Variants in RGS6 observed in about 807,000 individuals in gnomAD.
RGS6 encodes regulator of G-protein signaling 6.
A neutral mutation model predicts 78.5 loss-of-function variants in RGS6; 30 were observed. The ratio of observed to expected loss-of-function variants is 0.38; its 90% CI spans 0.29 to 0.52. The LOEUF (loss-of-function observed/expected upper bound fraction) is 0.52, where lower values mean the gene tolerates loss of function less well. RGS6 is among the 20% of genes least tolerant of loss of function. The pLI is 0.85. For missense variants in RGS6, 495 were observed against 609.7 expected, an observed-to-expected ratio of 0.81 and a Z score of 1.98; for synonymous variants, 206 against 206.0, an observed-to-expected ratio of 1.00 and a Z score of 0.00.
chr14:71,937,079 T>C (rs1009012068), intron 1 of RGS6, among the ~76,000 whole-genome samples: 1 of 152,202 alleles, frequency 6.6e-6, no homozygotes, highest in African/African-American at 2.4e-5. Flanking sequence ...ATTTCCTGTG[T>C]TCCATATGTA....
chr14:72,535,262 C>T (rs1378523007), intron 15 of RGS6, among the ~76,000 whole-genome samples: 1 of 152,200 alleles, frequency 6.6e-6, no homozygotes, highest in African/African-American at 2.4e-5. Flanking sequence ...CACCTTGCTG[C>T]AGCACCTGCC....
intron 14 of RGS6, among the ~76,000 whole-genome samples, chr14:72,510,834 A>G (rs1422926583): frequency 6.6e-6 from 1 of 152,214 alleles, no homozygotes; most frequent in Non-Finnish European, 1.5e-5. Flanking sequence ...GTCGACTCCA[A>G]ATAGTGGTTA....
At chr14:72,449,374 A>G (rs942305110) in intron 3 of RGS6, among the ~76,000 whole-genome samples, 4 of 152,210 alleles carry the variant, frequency 2.6e-5, no homozygotes, top group African/African-American at 9.6e-5. Flanking sequence ...TCAACTTTGC[A>G]TAATCTGATC....
the RGS6 span, among the ~76,000 whole-genome samples, chr14:72,591,906 C>A: frequency 0.067 from 10,140 of 152,234 alleles, 394 homozygotes; most frequent in Middle Eastern, 0.11. Flanking sequence ...TCTCTACTCC[C>A]TCTTCTCCCG....
chr14:72,312,540 A>C lies in RGS6; in HGVS notation c.85-39555A>C, dbSNP rs796665914. ...TGTGTTTCCTTATGCAAGTGTCCAG[A>C]TCTTCTTGGGAATTAATTTCTTTAT... On this transcript the variant is annotated intron_variant, in intron 2 of 17. Transcript: ENST00000553525. Among the ~76,000 whole-genome samples the C allele has an allele frequency of 1.8e-4, 27 of 152,290 alleles. 1 individual carries two copies. The highest frequency in any genetic ancestry group is 6.0e-4 in the African/African-American group (25 of 41,546).
intron 2 of RGS6, among the ~76,000 whole-genome samples, chr14:72,097,550 C>T (rs757872227): frequency 3.3e-5 from 5 of 152,088 alleles, no homozygotes; most frequent in Non-Finnish European, 7.4e-5. Flanking sequence ...ACAGGAAGGC[C>T]GCAATTAGCA....
intron 2 of RGS6, among the ~76,000 whole-genome samples, chr14:72,159,117 A>T (rs1266916511): frequency 6.6e-6 from 1 of 152,252 alleles, no homozygotes; most frequent in Non-Finnish European, 1.5e-5. Flanking sequence ...ACTACGAAGC[A>T]CATTCCTATC....
At chr14:72,534,329 C>T (rs1442572542) in intron 15 of RGS6, among the ~76,000 whole-genome samples, 1 of 152,198 alleles carries the variant, frequency 6.6e-6, no homozygotes, top group Non-Finnish European at 1.5e-5. Flanking sequence ...ATAGTGTAAA[C>T]ATAACTTTTA....
chr14:72,177,382 GT>G (rs977513365), intron 2 of RGS6, among the ~76,000 whole-genome samples: 45 of 152,154 alleles, frequency 3.0e-4, no homozygotes, highest in African/African-American at 1.1e-3. Context: ...ATGCTCTCTT[GT>G]GAGCAGGGTA....
At chr14:71,933,217 T>C (rs1438229203) in intron 1 of RGS6, 2 of 152,266 alleles carry the variant, frequency 1.3e-5, no homozygotes, top group Non-Finnish European at 1.5e-5. Flanking sequence ...CCTGGGTTTC[T>C]GGGTGTGAAG....
chr14:72,027,890 C>T (rs1451861436), intron 2 of RGS6, among the ~76,000 whole-genome samples: 4 of 152,274 alleles, frequency 2.6e-5, no homozygotes, highest in African/African-American at 4.8e-5. Flanking sequence ...GTTGTGTCTT[C>T]GGTGAGATGA....
intron 2 of RGS6, among the ~76,000 whole-genome samples, chr14:72,028,789 C>T (rs1404765275): frequency 6.6e-6 from 1 of 152,278 alleles, no homozygotes; most frequent in African/African-American, 2.4e-5. Context: ...GTTGAAAAAC[C>T]AACACAGATT....
intron 2 of RGS6, among the ~76,000 whole-genome samples, chr14:72,291,388 A>G (rs1370134581): frequency 6.6e-6 from 1 of 152,062 alleles, no homozygotes; most frequent in Non-Finnish European, 1.5e-5. Context: ...ACTCTCCAGG[A>G]AGACTACATT....
intron 3 of RGS6, among the ~76,000 whole-genome samples, chr14:72,449,980 G>T (rs774145511): frequency 2.0e-5 from 3 of 152,156 alleles, no homozygotes. Context: ...TCTTCTCTCT[G>T]TGCTTTTTAA....
intron 2 of RGS6, among the ~76,000 whole-genome samples, chr14:71,984,859 G>A (rs901056972): frequency 6.6e-6 from 1 of 151,892 alleles, no homozygotes; most frequent in African/African-American, 2.4e-5. Context: ...AGAAATAATC[G>A]CTTTCCATTT....
intron 2 of RGS6, among the ~76,000 whole-genome samples, chr14:72,302,171 G>C (rs847362): frequency 6.6e-6 from 1 of 152,090 alleles, no homozygotes; most frequent in Non-Finnish European, 1.5e-5. Context: ...TTATAGAGTC[G>C]TAGTCAATTA....
chr14:72,601,834 G>A, the RGS6 span, among the ~76,000 whole-genome samples: 2 of 152,052 alleles, frequency 1.3e-5, no homozygotes, highest in African/African-American at 2.4e-5. Flanking sequence ...CTTCCTCCCC[G>A]CCAACAACCT....
At chr14:72,019,107 G>C (rs2087773655) in intron 2 of RGS6, among the ~76,000 whole-genome samples, 1 of 152,132 alleles carries the variant, frequency 6.6e-6, no homozygotes, top group African/African-American at 2.4e-5. Context: ...TTTGATATTA[G>C]CTCATGCCAT....
In RGS6 at chr14:72,174,804, G is replaced by A. The variant is rs367825526; in HGVS notation, c.85-177291G>A. Among the ~76,000 whole-genome samples the A allele has an allele frequency of 2.6e-5, 4 of 152,330 alleles. No individual in the cohort carries two copies. The East Asian group carries it at 7.7e-4, about 29-fold the overall frequency. On this transcript the variant is annotated intron_variant, in intron 2 of 17. Coordinates refer to ENST00000553525, the MANE Select transcript of RGS6 (RefSeq NM_001204424.2). ...TTGAACAGCATGGCTGTCAGTCTGA[G>A]GTCGCAGTGATGTCAGGAGGTGGCA...
Sources: gnomAD v4.1 joint callset for allele counts (sites outside exome capture counted in the v4.1 genomes callset) on GRCh38, gnomAD v4.1.1 for gene constraint, MANE v1.5 for transcripts, NCBI Gene and HGNC (gene_info 2026-07-23, HGNC 2026-07-21) for gene names.